Variants in CNDP1 observed in about 807,000 individuals in gnomAD.
CNDP1 encodes the protein beta-Ala-His dipeptidase.
CNDP1 carries 44 observed loss-of-function variants against 58.1 expected under a neutral mutation model. That is an observed-to-expected ratio of 0.76 (90% confidence interval 0.60 to 0.97). The LOEUF (loss-of-function observed/expected upper bound fraction) is 0.97. Ranked by LOEUF, CNDP1 falls within the 50% of genes least tolerant of loss-of-function variation. The pLI is 0.00. For missense variants in CNDP1, 616 were observed against 655.1 expected, an observed-to-expected ratio of 0.94 and a Z score of 0.65; for synonymous variants, 254 against 252.6, an observed-to-expected ratio of 1.01 and a Z score of -0.05.
At chr18:74,539,191 G>A (rs939500877) in intron 1 of CNDP1, among the ~76,000 whole-genome samples, 12 of 115,936 alleles carry the variant, frequency 1.0e-4, no homozygotes, top group Non-Finnish European at 2.1e-4. Flanking sequence ...AAAAAAAAAA[G>A]CCTTCCCTAT....
intron 1 of CNDP1, among the ~76,000 whole-genome samples, chr18:74,541,296 TC>T (rs1471295279): frequency 6.6e-6 from 1 of 152,194 alleles, no homozygotes; most frequent in Non-Finnish European, 1.5e-5. Flanking sequence ...GATCGGATCC[TC>T]CCCTGAGCGT....
At chr18:74,562,229 G>A in intron 5 of CNDP1, 94 bp downstream of exon 5, 1 of 1,085,908 alleles carries the variant, frequency 9.2e-7, no homozygotes, top group Non-Finnish European at 1.4e-6. Context: ...AACTGCCTTA[G>A]GTCACTTACT....
intron 4 of CNDP1, 144 bp downstream of exon 4, chr18:74,561,162 C>T: frequency 9.7e-7 from 1 of 1,025,880 alleles, no homozygotes. Flanking sequence ...CGCTTGTAAT[C>T]CCAGCACTTT....
chr18:74,561,930 T>C, intron 4 of CNDP1, 117 bp from the exon 5 acceptor site: 1 of 785,348 alleles, frequency 1.3e-6, no homozygotes, highest in Non-Finnish European at 2.1e-6. Flanking sequence ...GATTTGAGCC[T>C]GCAATATTAT....
chr18:74,560,250 G>A (rs1404058703), intron 3 of CNDP1, among the ~76,000 whole-genome samples: 2 of 152,074 alleles, frequency 1.3e-5, no homozygotes, highest in African/African-American at 2.4e-5. Flanking sequence ...TCCTGACCTC[G>A]TGATCCACCC....
In CNDP1 at chr18:74,574,007, A is replaced by G. The variant is rs540489584; in HGVS notation, c.841+2737A>G. On this transcript the variant is annotated intron_variant, in intron 7 of 11. Coordinates refer to ENST00000358821, the MANE Select transcript of CNDP1 (RefSeq NM_032649.6). Reference sequence around the variant, plus strand: ...TGAGCTTTAGTGTTTATGAGATGACAAGCAGGAATTTTGCTTGCCGACAGG... The same window carrying G: ...TGAGCTTTAGTGTTTATGAGATGACGAGCAGGAATTTTGCTTGCCGACAGG... Among the ~76,000 whole-genome samples the G allele has an allele frequency of 2.0e-5, 3 of 152,386 alleles. No homozygotes were observed. In the East Asian group the frequency reaches 5.8e-4, roughly 29 times the overall value.
Position 74,567,275 on chromosome 18 carries a change from G to C in CNDP1, c.598G>C (p.Glu200Gln), listed in dbSNP as rs1599097150. The C allele has an allele frequency of 5.0e-6, 8 of 1,614,222 alleles. No individual in the cohort carries two copies. Among genetic ancestry groups the C allele is most frequent in the Non-Finnish European group, 6.8e-6 (8 of 1,180,032 alleles). Residue 200 changes from glutamate (E) to glutamine (Q), a missense_variant, in exon 6 of 12, where the codon GAG (glutamate) becomes CAG (glutamine). Transcript: ENST00000358821. ...CAAATTCATCATTGAGGGGATGGAA[G>C]AGGCTGGCTCTGTTGCCCTGGAGGA... is the stretch of plus-strand genomic sequence containing the variant. ...NIKFIIEGME[E>Q]AGSVALEELV...
chr18:74,540,157 C>CT lies in CNDP1; in HGVS notation c.24+5484dup, dbSNP rs34321505. On this transcript the variant is annotated intron_variant, in intron 1 of 11. Coordinates refer to ENST00000358821, the MANE Select transcript of CNDP1 (RefSeq NM_032649.6). ...CACTTTACATTTGTGTGGTATAAAT[C>CT]TTTTTTTTTTTTTTTTTTGAGACGG... 7.7e-3 allele frequency among the ~76,000 whole-genome samples: 1,042 copies of CT among 135,234 alleles called. 5 individuals are homozygous for CT. Among genetic ancestry groups the CT allele is most frequent in the South Asian group, 0.028 (117 of 4,128 alleles). 88.7% of individuals were successfully genotyped at this position (135,234 alleles called of 152,430 possible). A position where few individuals can be genotyped will look rare whatever the true frequency, so the allele number is the denominator to read the frequency against.
At position 74,578,235 on chromosome 18, in the gene CNDP1, C is replaced by A. The variant is rs769139173; in HGVS notation, c.1075C>A (p.Pro359Thr). 15 of 1,613,810 alleles carry A rather than the reference C, an allele frequency of 9.3e-6. No homozygotes were observed. The highest frequency in any genetic ancestry group is 5.0e-5 in the Admixed American group (3 of 59,974). ...IHGIEGAFDE[P>T]GTKTVIPGRV... ...TGGGATCGAGGGCGCGTTTGATGAGCCTGGAACTAAAACAGTCATACCTGG... is the reference window on the plus strand; with the variant it reads ...TGGGATCGAGGGCGCGTTTGATGAGACTGGAACTAAAACAGTCATACCTGG... Residue 359 changes from proline (P) to threonine (T), a missense_variant, in exon 9 of 12, where the codon CCT becomes ACT. Pro to Thr is a conservative substitution (Grantham distance 38). Coordinates refer to ENST00000358821, the MANE Select transcript of CNDP1 (RefSeq NM_032649.6).
At chr18:74,554,801 G>C (rs988610990) in intron 1 of CNDP1, among the ~76,000 whole-genome samples, 7 of 152,156 alleles carry the variant, frequency 4.6e-5, no homozygotes, top group African/African-American at 1.7e-4. Flanking sequence ...GGAGTCTTGC[G>C]ATCTGCCCCA....
chr18:74,562,514 T>C (rs1489553891), intron 5 of CNDP1, among the ~76,000 whole-genome samples: 1 of 152,242 alleles, frequency 6.6e-6, no homozygotes, highest in Non-Finnish European at 1.5e-5. Flanking sequence ...TTAAGCCTTC[T>C]TTTTCTTCTT....
rs536051028 is a variant in CNDP1, at chr18:74,557,610, T to A, written c.153+1144T>A. On this transcript the variant is annotated intron_variant, in intron 2 of 11. Transcript: ENST00000358821. ...GGTCCCATCCCTACACACCCCCATA[T>A]ATGTATCCCCACACACCCCCACACA... is the stretch of plus-strand genomic sequence containing the variant. 1.9e-3 allele frequency among the ~76,000 whole-genome samples: 286 copies of A among 151,794 alleles called. 1 individual carries two copies. Among genetic ancestry groups the A allele is most frequent in the Non-Finnish European group, 3.4e-3 (231 of 67,928 alleles).
chr18:74,581,763 A>G (rs1981796487), intron 10 of CNDP1, among the ~76,000 whole-genome samples: 1 of 152,126 alleles, frequency 6.6e-6, no homozygotes, highest in Admixed American at 6.5e-5. Flanking sequence ...CTGCACCAGG[A>G]GGGGGACCCT....
intron 7 of CNDP1, among the ~76,000 whole-genome samples, chr18:74,575,205 C>G (rs963068656): frequency 2.6e-5 from 4 of 152,190 alleles, no homozygotes; most frequent in African/African-American, 9.7e-5. Context: ...TCTCTTCCTT[C>G]TCCCAGTCCA....
chr18:74,564,601 C>T (rs1006017613), intron 5 of CNDP1, among the ~76,000 whole-genome samples: 1 of 152,166 alleles, frequency 6.6e-6, no homozygotes, highest in Non-Finnish European at 1.5e-5. Context: ...TTGTAATTGC[C>T]TAACCTTTCT....
chr18:74,561,275 G>A, intron 4 of CNDP1: 1 of 349,782 alleles, frequency 2.9e-6, no homozygotes, highest in South Asian at 4.9e-5. Flanking sequence ...AAATAGCTGG[G>A]CATGGTCGTG....
chr18:74,561,852 A>G, intron 4 of CNDP1, 195 bp from the exon 5 acceptor site: 1 of 489,562 alleles, frequency 2.0e-6, no homozygotes, highest in Middle Eastern at 4.1e-4. Context: ...GTCAGGGAAG[A>G]GATCCAAGGA....
chr18:74,576,572 T>C (rs1599101713), intron 7 of CNDP1: 1 of 322,468 alleles, frequency 3.1e-6, no homozygotes, highest in Admixed American at 4.9e-5. Context: ...AACGTGAACA[T>C]GATGCAGGTA....
intron 2 of CNDP1, among the ~76,000 whole-genome samples, chr18:74,557,389 G>C (rs1981071107): frequency 6.6e-6 from 1 of 152,116 alleles, no homozygotes; most frequent in African/African-American, 2.4e-5. Context: ...ACTATACAGG[G>C]TCTATACATA....
Sources: allele counts gnomAD v4.1 joint callset (sites outside exome capture counted in the v4.1 genomes callset), GRCh38; gene constraint gnomAD v4.1.1; transcripts MANE v1.5; gene names NCBI Gene and HGNC (gene_info 2026-07-23, HGNC 2026-07-21).